Variants in MAPK10 observed in about 807,000 individuals in gnomAD.
The protein encoded by MAPK10 is mitogen-activated protein kinase 10, also known as JNK3 alpha protein kinase.
MAPK10 carries 25 observed loss-of-function variants against 59.3 expected under a neutral mutation model. The ratio of observed to expected loss-of-function variants is 0.42; its 90% CI spans 0.31 to 0.59. MAPK10 has a LOEUF of 0.59. Among genes scored for constraint, MAPK10 ranks in the 20% least tolerant of loss-of-function variants. The pLI is 0.15. For missense variants in MAPK10, 351 were observed against 568.9 expected (o/e 0.62, Z 3.90); for synonymous variants, 190 against 200.5 (o/e 0.95, Z 0.44).
chr4:86,029,868 C>T (rs2038565264), intron 12 of MAPK10, among the ~76,000 whole-genome samples: 1 of 151,914 alleles, frequency 6.6e-6, no homozygotes, highest in Admixed American at 6.6e-5. Flanking sequence ...TTGCCAAAAA[C>T]CAAACACATT....
At chr4:86,304,843 T>C (rs1218601102) in intron 2 of MAPK10, among the ~76,000 whole-genome samples, 1 of 152,214 alleles carries the variant, frequency 6.6e-6, no homozygotes, top group Admixed American at 6.5e-5. Context: ...TTGCTATTCT[T>C]TTTTCAAATA....
chr4:86,045,048 A>G (rs759380902), intron 11 of MAPK10, among the ~76,000 whole-genome samples: 9 of 152,140 alleles, frequency 5.9e-5, no homozygotes, highest in Non-Finnish European at 1.2e-4. Flanking sequence ...GAAAGCTAGT[A>G]ATGCAAATTT....
At chr4:86,150,995 A>G (rs1248102175) in intron 4 of MAPK10, among the ~76,000 whole-genome samples, 1 of 152,184 alleles carries the variant, frequency 6.6e-6, no homozygotes, top group Admixed American at 6.5e-5. Context: ...GGCACATTCT[A>G]AATAACTTTT....
chr4:86,031,260 GCAGT>G (rs1258546947), intron 12 of MAPK10, 104 bp downstream of exon 12: 15 of 762,968 alleles, frequency 2.0e-5, no homozygotes, highest in Non-Finnish European at 3.1e-5. Context: ...TAAGAGAATA[GCAGT>G]CAGCAAATCA....
intron 1 of MAPK10, among the ~76,000 whole-genome samples, chr4:86,479,183 C>T (rs1753371827): frequency 1.3e-5 from 2 of 152,126 alleles, no homozygotes; most frequent in Admixed American, 6.5e-5. Flanking sequence ...GCCTTCCCAC[C>T]TCTATACAGT....
At chr4:86,210,691 C>G (rs186835548) in intron 2 of MAPK10, among the ~76,000 whole-genome samples, 1 of 150,396 alleles carries the variant, frequency 6.6e-6, no homozygotes, top group Non-Finnish European at 1.5e-5. Context: ...AGTCACAAGT[C>G]ATACAAAAAA....
At chr4:86,115,974 T>C (rs1351686164) in intron 4 of MAPK10, among the ~76,000 whole-genome samples, 2 of 152,252 alleles carry the variant, frequency 1.3e-5, no homozygotes, top group Non-Finnish European at 2.9e-5. Context: ...ATGTTTCTTA[T>C]AGGTAACATA....
intron 2 of MAPK10, among the ~76,000 whole-genome samples, chr4:86,312,313 C>T (rs1466380): frequency 0.6 from 91,380 of 151,874 alleles, 28,237 homozygotes; most frequent in South Asian, 0.74. Context: ...TTAGTCATCA[C>T]AGTACATGCT....
chr4:86,288,601 T>G (rs747033454), intron 2 of MAPK10, among the ~76,000 whole-genome samples: 1 of 152,002 alleles, frequency 6.6e-6, no homozygotes, highest in African/African-American at 2.4e-5. Context: ...ATTGCTTCTT[T>G]AGGGAGGGAT....
chr4:86,548,237 T>C (rs952556631), intron 1 of MAPK10, among the ~76,000 whole-genome samples: 1 of 151,738 alleles, frequency 6.6e-6, no homozygotes, highest in Admixed American at 6.6e-5. Context: ...TTAAGAGCTG[T>C]AACACTCACC....
chr4:86,391,066 T>G (rs1579036420), intron 1 of MAPK10, among the ~76,000 whole-genome samples: 1 of 152,234 alleles, frequency 6.6e-6, no homozygotes, highest in Non-Finnish European at 1.5e-5. Flanking sequence ...TTCTCCATAT[T>G]TGTACTCATT....
At chr4:86,592,757 C>G (rs1763152759) in intron 1 of MAPK10, among the ~76,000 whole-genome samples, 1 of 152,318 alleles carries the variant, frequency 6.6e-6, no homozygotes, top group African/African-American at 2.4e-5. Flanking sequence ...TGTTGTTCCC[C>G]TCAACTGACT....
chr4:86,020,046 C>T (rs949840231), intron 13 of MAPK10, among the ~76,000 whole-genome samples: 2 of 152,204 alleles, frequency 1.3e-5, no homozygotes, highest in Non-Finnish European at 2.9e-5. Context: ...CATTTTGCAG[C>T]ATTTCATCAT....
At chr4:86,035,584 AG>A (rs749993733) in intron 11 of MAPK10, among the ~76,000 whole-genome samples, 1 of 151,754 alleles carries the variant, frequency 6.6e-6, no homozygotes, top group Non-Finnish European at 1.5e-5. Context: ...AAAAAAAAAA[AG>A]ATGAGGGTGA....
chr4:86,052,257 C>A (rs546344261), intron 11 of MAPK10, among the ~76,000 whole-genome samples: 3 of 151,954 alleles, frequency 2.0e-5, no homozygotes, highest in African/African-American at 7.3e-5. Context: ...TTTCCTAAAA[C>A]GTGTATTAAA....
intron 1 of MAPK10, among the ~76,000 whole-genome samples, chr4:86,485,660 T>G (rs772547917): frequency 1.3e-5 from 2 of 152,224 alleles, no homozygotes; most frequent in Non-Finnish European, 2.9e-5. Flanking sequence ...GTAGATGGTA[T>G]AGACTGAACT....
At chr4:86,296,478 T>G (rs2095364322) in intron 2 of MAPK10, among the ~76,000 whole-genome samples, 1 of 152,144 alleles carries the variant, frequency 6.6e-6, no homozygotes. Flanking sequence ...TGAAAAAATA[T>G]TTCACCCTTC....
intron 1 of MAPK10, among the ~76,000 whole-genome samples, chr4:86,576,024 T>TGTGTGTGTGTGTG (rs1554284007): frequency 6.7e-6 from 1 of 150,254 alleles, no homozygotes; most frequent in Non-Finnish European, 1.5e-5. Context: ...TGTGTGTGTA[T>TGTGTGTGTGTGTG]TATATATTGC....
chr4:86,494,056 T>C (rs1314106573), intron 1 of MAPK10, among the ~76,000 whole-genome samples: 1 of 152,172 alleles, frequency 6.6e-6, no homozygotes, highest in African/African-American at 2.4e-5. Context: ...AGTTTAGGCA[T>C]TGGGATATCA....
Sources: gnomAD v4.1 joint callset for allele counts (sites outside exome capture counted in the v4.1 genomes callset) on GRCh38, gnomAD v4.1.1 for gene constraint, MANE v1.5 for transcripts, NCBI Gene and HGNC (gene_info 2026-07-23, HGNC 2026-07-21) for gene names.